The following PLPPR1 variants were observed in gnomAD, a reference collection of about 807,000 sequenced individuals.
PLPPR1 encodes the protein phospholipid phosphatase related 1.
PLPPR1 carries 10 observed loss-of-function variants against 33.1 expected under a neutral mutation model. That is an observed-to-expected ratio of 0.30 (90% CI 0.19 to 0.51). The LOEUF (loss-of-function observed/expected upper bound fraction) is 0.51. Among genes scored for constraint, PLPPR1 ranks in the 20% least tolerant of loss-of-function variants. The probability of loss-of-function intolerance (pLI) is 0.97; values close to 1 mark genes in which losing one functional copy is unlikely to be tolerated. For missense variants in PLPPR1, 304 were observed against 408.1 expected (o/e 0.74, Z 2.20); for synonymous variants, 151 against 151.0 (o/e 1.00, Z 0.00).
intron 1 of PLPPR1, among the ~76,000 whole-genome samples, chr9:101,111,079 TG>T (rs1350023591): frequency 1.3e-5 from 2 of 152,124 alleles, no homozygotes; most frequent in South Asian, 2.1e-4. Flanking sequence ...TGATGACCCT[TG>T]GAAAAGTATG....
At chr9:101,318,371 T>C (rs1291989146) in intron 7 of PLPPR1, among the ~76,000 whole-genome samples, 1 of 152,242 alleles carries the variant, frequency 6.6e-6, no homozygotes, top group Non-Finnish European at 1.5e-5. Context: ...ATGAAGCACT[T>C]AATTTTTCCC....
chr9:101,201,987 A>T (rs1268566246), intron 2 of PLPPR1, among the ~76,000 whole-genome samples: 5 of 152,190 alleles, frequency 3.3e-5, no homozygotes, highest in Non-Finnish European at 5.9e-5. Context: ...CTTTGACATA[A>T]CTGAATGAAA....
chr9:101,167,199 TCACACACACACACATACACACA>T (rs1240229856), intron 1 of PLPPR1, among the ~76,000 whole-genome samples: 2 of 51,714 alleles, frequency 3.9e-5, no homozygotes, highest in African/African-American at 6.9e-5. Flanking sequence ...TCTCTCTCTC[TCACACACACACACATACACACA>T]CACACACACA....
At chr9:101,047,776 A>T (rs1830171144) in intron 1 of PLPPR1, among the ~76,000 whole-genome samples, 1 of 152,188 alleles carries the variant, frequency 6.6e-6, no homozygotes, top group Non-Finnish European at 1.5e-5. Context: ...TTAAATGCTC[A>T]TGTAAAATTT....
At chr9:101,180,217 C>A (rs1330576288) in intron 1 of PLPPR1, among the ~76,000 whole-genome samples, 1 of 145,348 alleles carries the variant, frequency 6.9e-6, no homozygotes, top group Admixed American at 6.9e-5. Flanking sequence ...TATATATACA[C>A]ATACACACAC....
At chr9:101,139,920 T>C (rs1466023525) in intron 1 of PLPPR1, among the ~76,000 whole-genome samples, 3 of 152,184 alleles carry the variant, frequency 2.0e-5, no homozygotes, top group African/African-American at 7.2e-5. Flanking sequence ...GACCTGAATC[T>C]GGAATCAGCT....
At chr9:101,297,270 A>G (rs1206201996) in intron 4 of PLPPR1, among the ~76,000 whole-genome samples, 1 of 152,238 alleles carries the variant, frequency 6.6e-6, no homozygotes, top group African/African-American at 2.4e-5. Context: ...ACGATGGCCA[A>G]GTTCTCTAAC....
chr9:101,058,395 G>A (rs971490053), intron 1 of PLPPR1, among the ~76,000 whole-genome samples: 1 of 152,078 alleles, frequency 6.6e-6, no homozygotes, highest in African/African-American at 2.4e-5. Context: ...TGCAGGTCCT[G>A]CCTGAACAGA....
intron 1 of PLPPR1, among the ~76,000 whole-genome samples, chr9:101,157,647 G>T (rs1357578360): frequency 6.6e-6 from 1 of 152,108 alleles, no homozygotes; most frequent in East Asian, 1.9e-4. Flanking sequence ...AGCCTACAAA[G>T]AAATAATCAG....
chr9:101,165,800 A>G (rs556218190), intron 1 of PLPPR1, among the ~76,000 whole-genome samples: 1 of 152,258 alleles, frequency 6.6e-6, no homozygotes, highest in South Asian at 2.1e-4. Flanking sequence ...AAATAAGGAA[A>G]AGCATTTTGA....
intron 1 of PLPPR1, among the ~76,000 whole-genome samples, chr9:101,047,009 G>A (rs1180935618): frequency 6.6e-6 from 1 of 152,036 alleles, no homozygotes; most frequent in Admixed American, 6.6e-5. Flanking sequence ...GGATGAAACT[G>A]TTCCACCTCA....
intron 2 of PLPPR1, among the ~76,000 whole-genome samples, chr9:101,263,160 A>C (rs981502721): frequency 3.9e-5 from 6 of 152,216 alleles, no homozygotes; most frequent in African/African-American, 1.4e-4. Flanking sequence ...TAATTTAAAA[A>C]AAGAAAAATT....
intron 4 of PLPPR1, among the ~76,000 whole-genome samples, chr9:101,291,434 C>G (rs957912737): frequency 5.9e-5 from 9 of 152,198 alleles, no homozygotes; most frequent in Admixed American, 2.0e-4. Flanking sequence ...TTGAAAAGAG[C>G]AGTGGTTCTC....
intron 1 of PLPPR1, among the ~76,000 whole-genome samples, chr9:101,094,922 A>C (rs1830796220): frequency 6.6e-6 from 1 of 152,184 alleles, no homozygotes; most frequent in Admixed American, 6.5e-5. Flanking sequence ...GATATTAGGC[A>C]GGAAGTTTCA....
chr9:101,117,658 TAA>T (rs534608741), intron 1 of PLPPR1, among the ~76,000 whole-genome samples: 10,945 of 141,908 alleles, frequency 0.077, 989 homozygotes, highest in African/African-American at 0.23. Flanking sequence ...TGCTTTCACT[TAA>T]AAAAAAAAAA....
At chr9:101,157,044 G>A (rs566424581) in intron 1 of PLPPR1, among the ~76,000 whole-genome samples, 1 of 152,260 alleles carries the variant, frequency 6.6e-6, no homozygotes, top group East Asian at 1.9e-4. Context: ...AAAGCCTGGA[G>A]ATAAGGAACA....
At chr9:101,137,086 ATATCT>A (rs1201451242) in intron 1 of PLPPR1, among the ~76,000 whole-genome samples, 1 of 152,204 alleles carries the variant, frequency 6.6e-6, no homozygotes, top group Non-Finnish European at 1.5e-5. Flanking sequence ...TTGTTTCAAA[ATATCT>A]TATATACCCT....
intron 1 of PLPPR1, among the ~76,000 whole-genome samples, chr9:101,077,421 T>C (rs1348915794): frequency 6.6e-6 from 1 of 152,268 alleles, no homozygotes; most frequent in Non-Finnish European, 1.5e-5. Context: ...TTTTCTTTTT[T>C]TTCATGTATT....
chr9:101,059,944 A>C (rs1421090758), intron 1 of PLPPR1, among the ~76,000 whole-genome samples: 1 of 152,014 alleles, frequency 6.6e-6, no homozygotes, highest in Admixed American at 6.6e-5. Flanking sequence ...GAACTACAAT[A>C]TTATCCAGGA....
Sources: gnomAD v4.1 joint callset for allele counts (sites outside exome capture counted in the v4.1 genomes callset) on GRCh38, gnomAD v4.1.1 for gene constraint, MANE v1.5 for transcripts, NCBI Gene and HGNC (gene_info 2026-07-23, HGNC 2026-07-21) for gene names.